Variants in CPNE4 observed in about 807,000 individuals in gnomAD.
The protein encoded by CPNE4 is copine-4.
In CPNE4, 25 loss-of-function variants were observed where a neutral mutation model predicts 67.9. The observed-to-expected ratio is 0.37, with a 90% CI of 0.27 to 0.51. The LOEUF is 0.51. CPNE4 is among the 20% of genes least tolerant of loss of function. CPNE4 has a pLI of 0.93. For synonymous variants in CPNE4, 242 were observed against 244.9 expected (o/e 0.99, Z 0.11); for missense variants, 464 against 690.8 (o/e 0.67, Z 3.68).
chr3:131,639,428 TG>T (rs1478937497), intron 7 of CPNE4, among the ~76,000 whole-genome samples: 1 of 152,116 alleles, frequency 6.6e-6, no homozygotes. Flanking sequence ...GATAAATTCC[TG>T]GAAATATACA....
At chr3:131,926,114 T>C (rs1288654332) in intron 1 of CPNE4, among the ~76,000 whole-genome samples, 3 of 152,180 alleles carry the variant, frequency 2.0e-5, no homozygotes, top group Admixed American at 2.0e-4. Flanking sequence ...TAGCATGAGC[T>C]GTTGGGCTCT....
Position 131,729,745 on chromosome 3 carries a change from G to A in CPNE4, c.181-6120C>T, listed in dbSNP as rs1337750667. Among the ~76,000 whole-genome samples, 8 of 152,312 alleles carry A rather than the reference G, an allele frequency of 5.3e-5. No homozygotes were observed. In the South Asian group the frequency reaches 1.7e-3, roughly 32 times the overall value. ...TCTGTGTGATATGTCTACATACTGA[G>A]GTTGCATCATTTCTGGCTGTCTGGC... On this transcript the variant is annotated intron_variant, in intron 2 of 15. Transcript: ENST00000429747.
intron 1 of CPNE4, among the ~76,000 whole-genome samples, chr3:131,920,818 G>C (rs2070722509): frequency 6.6e-6 from 1 of 152,064 alleles, no homozygotes; most frequent in South Asian, 2.1e-4. Context: ...ATGTTCATGG[G>C]TGTAAGACTC....
chr3:131,752,151 C>T (rs1227440687), intron 2 of CPNE4, among the ~76,000 whole-genome samples: 1 of 152,090 alleles, frequency 6.6e-6, no homozygotes, highest in Non-Finnish European at 1.5e-5. Flanking sequence ...TTTTACCAGC[C>T]AGTGGGGGTG....
chr3:131,759,845 A>G (rs2082845710), intron 2 of CPNE4, among the ~76,000 whole-genome samples: 1 of 152,202 alleles, frequency 6.6e-6, no homozygotes, highest in African/African-American at 2.4e-5. Context: ...ACAAATGTGA[A>G]TAAATCTATT....
chr3:131,792,468 A>T (rs2083753103), intron 2 of CPNE4, among the ~76,000 whole-genome samples: 1 of 151,186 alleles, frequency 6.6e-6, no homozygotes, highest in African/African-American at 2.4e-5. Flanking sequence ...ATGAAATACC[A>T]TCTATATACC....
chr3:131,675,223 A>G (rs991846098), intron 6 of CPNE4, among the ~76,000 whole-genome samples: 3 of 152,124 alleles, frequency 2.0e-5, no homozygotes, highest in African/African-American at 7.2e-5. Context: ...TAGTTTTGTG[A>G]TCAAATACAT....
At chr3:131,997,676 G>A (rs1056290736) in intron 1 of CPNE4, among the ~76,000 whole-genome samples, 3 of 152,082 alleles carry the variant, frequency 2.0e-5, no homozygotes, top group East Asian at 1.9e-4. Flanking sequence ...TTTATTAGGT[G>A]CAATATGGAG....
chr3:131,996,530 G>C (rs953989968), intron 1 of CPNE4, among the ~76,000 whole-genome samples: 1 of 151,656 alleles, frequency 6.6e-6, no homozygotes, highest in Non-Finnish European at 1.5e-5. Flanking sequence ...TCCACGATAG[G>C]AACAGAAGAA....
rs569052106 is a variant in CPNE4, at chr3:131,844,259, C to CT, written c.180+61004dup. ...ATTAGCCCAAGAATCTCTGTATGTT[C>CT]TTTTTTTTTTTTTTTTTCCGAGATG... On this transcript the variant is annotated intron_variant, in intron 2 of 15. Transcript: ENST00000429747. Among the ~76,000 whole-genome samples the CT allele has an allele frequency of 7.6e-3, 1,040 of 136,128 alleles. 11 individuals carry two copies. The highest frequency in any genetic ancestry group is 0.016 in the South Asian group (68 of 4,246). The allele number at this position is 136,128 out of a possible 152,430, so 89.3% of individuals were successfully genotyped here.
intron 2 of CPNE4, among the ~76,000 whole-genome samples, chr3:131,750,421 T>A (rs1023355766): frequency 5.9e-5 from 9 of 152,294 alleles, no homozygotes; most frequent in African/African-American, 2.2e-4. Context: ...AACATTTTTT[T>A]AAATTTCATT....
chr3:131,774,928 C>T (rs66649556), intron 2 of CPNE4, among the ~76,000 whole-genome samples: 44,991 of 151,960 alleles, frequency 0.3, 6,873 homozygotes, highest in East Asian at 0.38. Context: ...GAGGGCCTCT[C>T]TTAAAATCTT....
At chr3:131,819,865 C>G (rs1328542697) in intron 2 of CPNE4, among the ~76,000 whole-genome samples, 1 of 152,126 alleles carries the variant, frequency 6.6e-6, no homozygotes, top group Non-Finnish European at 1.5e-5. Flanking sequence ...ATGACTTTGA[C>G]CCTGCCCAAA....
intron 2 of CPNE4, among the ~76,000 whole-genome samples, chr3:131,903,690 T>C (rs1287428278): frequency 6.6e-6 from 1 of 152,100 alleles, no homozygotes; most frequent in African/African-American, 2.4e-5. Context: ...GCCTGTAAAA[T>C]GGGGATAATA....
intron 1 of CPNE4, among the ~76,000 whole-genome samples, chr3:132,026,358 C>T (rs897947202): frequency 6.6e-6 from 1 of 152,176 alleles, no homozygotes; most frequent in Non-Finnish European, 1.5e-5. Flanking sequence ...TGTTACAAGG[C>T]ACACAATGCA....
intron 2 of CPNE4, among the ~76,000 whole-genome samples, chr3:131,772,503 A>C (rs1336057823): frequency 6.6e-6 from 1 of 152,138 alleles, no homozygotes; most frequent in Non-Finnish European, 1.5e-5. Flanking sequence ...ATAGTATCAG[A>C]ATCCCTATAT....
chr3:131,860,322 G>T (rs1263865375), intron 2 of CPNE4, among the ~76,000 whole-genome samples: 5 of 152,106 alleles, frequency 3.3e-5, no homozygotes, highest in Non-Finnish European at 1.5e-5. Context: ...TTAATTGAGG[G>T]TTACTGATTA....
At chr3:131,561,160 G>C (rs1432924179) in intron 11 of CPNE4, among the ~76,000 whole-genome samples, 1 of 151,990 alleles carries the variant, frequency 6.6e-6, no homozygotes, top group Non-Finnish European at 1.5e-5. Flanking sequence ...TACACATTCA[G>C]TTTCTGTACT....
In CPNE4 at chr3:131,608,033, T is replaced by C. The variant is rs150154905; in HGVS notation, c.682-20451A>G. ...AAGATTAGGGCATAATATACAATCT[T>C]CCCCAACTTATTTGGCCAAGAAAAT... On this transcript the variant is annotated intron_variant, in intron 7 of 15. Coordinates refer to ENST00000429747, the MANE Select transcript of CPNE4 (RefSeq NM_130808.3). Among the ~76,000 whole-genome samples the C allele has an allele frequency of 5.8e-3, 891 of 152,310 alleles. 7 individuals carry two copies. The highest frequency in any genetic ancestry group is 0.02 in the African/African-American group (819 of 41,570).
Sources: allele counts gnomAD v4.1 joint callset (sites outside exome capture counted in the v4.1 genomes callset), GRCh38; gene constraint gnomAD v4.1.1; transcripts MANE v1.5; gene names NCBI Gene and HGNC (gene_info 2026-07-23, HGNC 2026-07-21).